The following TNFRSF11A variants were observed in gnomAD, a reference collection of about 807,000 sequenced individuals.
TNFRSF11A encodes the protein TNF receptor superfamily member 11a.
A neutral mutation model predicts 55.7 loss-of-function variants in TNFRSF11A; 32 were observed. That is an observed-to-expected ratio of 0.57 (90% confidence interval 0.43 to 0.77). The LOEUF (loss-of-function observed/expected upper bound fraction) is 0.77. Ranked by LOEUF, TNFRSF11A falls within the 30% of genes least tolerant of loss-of-function variation. The pLI is 0.00. For synonymous variants in TNFRSF11A, 311 were observed against 331.0 expected (o/e 0.94, Z 0.65); for missense variants, 753 against 809.8 (o/e 0.93, Z 0.85).
At chr18:62,329,218 G>A (rs1379872864) in intron 1 of TNFRSF11A, among the ~76,000 whole-genome samples, 1 of 152,154 alleles carries the variant, frequency 6.6e-6, no homozygotes, top group Non-Finnish European at 1.5e-5. Flanking sequence ...TTTTTTGGCT[G>A]ATGTGAGTCT....
intron 5 of TNFRSF11A, 90 bp downstream of exon 5, chr18:62,358,431 C>A: frequency 7.7e-7 from 1 of 1,294,416 alleles, no homozygotes; most frequent in Non-Finnish European, 1.1e-6. Flanking sequence ...CGGACGGATT[C>A]TGTTGGGTTA....
chr18:62,354,686 A>T, intron 4 of TNFRSF11A, 152 bp downstream of exon 4: 2 of 1,172,608 alleles, frequency 1.7e-6, no homozygotes, highest in South Asian at 1.5e-5. Flanking sequence ...CTGATTTTCC[A>T]CGAGATACAG....
At position 62,369,132 on chromosome 18, in the gene TNFRSF11A, T is replaced by A. The variant is rs1446750379; in HGVS notation, c.1215T>A (p.Thr405=). Reference sequence around the variant, plus strand: ...TGGGTTCAGAAAGCTGCAACTGCACTGAGCCCCTGTGCAGGACTGATTGGA... The same window carrying A: ...TGGGTTCAGAAAGCTGCAACTGCACAGAGCCCCTGTGCAGGACTGATTGGA... The part of the protein sequence containing the change: ...STVGSESCNC[T]EPLCRTDWTP... The change falls in exon 9 of 10, where the codon ACT becomes ACA. Residue 405 remains threonine, a synonymous_variant. Transcript: ENST00000586569. 2 of 1,613,996 alleles carry A rather than the reference T, an allele frequency of 1.2e-6. No individual in the cohort carries two copies. The highest frequency in any genetic ancestry group is 2.7e-5 in the African/African-American group (2 of 74,954).
At chr18:62,376,009 CTG>C (rs1910868046) in intron 9 of TNFRSF11A, among the ~76,000 whole-genome samples, 1 of 152,148 alleles carries the variant, frequency 6.6e-6, no homozygotes, top group African/African-American at 2.4e-5. Flanking sequence ...CATTTATTTA[CTG>C]TGTCTTGGAG....
chr18:62,384,537 T>A lies in TNFRSF11A; in HGVS notation c.1568-214T>A, dbSNP rs539224393. Among the ~76,000 whole-genome samples, 12 of 148,864 alleles carry A rather than the reference T, an allele frequency of 8.1e-5. No homozygotes were observed. In the East Asian group the frequency reaches 2.4e-3, roughly 30 times the overall value. ...TCTTCCTCTCCCCGCCTCTTCTCTTTACTTCTTTTGTCTTTTTTCTCTTCC... is the reference window on the plus strand; with the variant it reads ...TCTTCCTCTCCCCGCCTCTTCTCTTAACTTCTTTTGTCTTTTTTCTCTTCC... On this transcript the variant is annotated intron_variant, in intron 9 of 9. Coordinates refer to ENST00000586569, the MANE Select transcript of TNFRSF11A (RefSeq NM_003839.4).
intron 9 of TNFRSF11A, among the ~76,000 whole-genome samples, chr18:62,376,046 G>C (rs1406512113): frequency 6.6e-6 from 1 of 152,112 alleles, no homozygotes; most frequent in East Asian, 1.9e-4. Flanking sequence ...CACAGAATAG[G>C]GACAAGCACA....
intron 1 of TNFRSF11A, among the ~76,000 whole-genome samples, chr18:62,335,325 C>T (rs1401648693): frequency 2.6e-5 from 4 of 152,014 alleles, no homozygotes; most frequent in Non-Finnish European, 4.4e-5. Context: ...TGGCCAGTTT[C>T]GAACTCCTCA....
chr18:62,347,963 G>A (rs920044261), intron 1 of TNFRSF11A, among the ~76,000 whole-genome samples: 2 of 149,950 alleles, frequency 1.3e-5, no homozygotes, highest in Non-Finnish European at 3.0e-5. Context: ...GGAGGCTAAA[G>A]TAGGAGAATC....
chr18:62,358,929 A>G (rs1043593179), intron 5 of TNFRSF11A, among the ~76,000 whole-genome samples: 1 of 152,236 alleles, frequency 6.6e-6, no homozygotes, highest in African/African-American at 2.4e-5. Flanking sequence ...AGTCTTTTAC[A>G]GTAATACATA....
In TNFRSF11A at chr18:62,369,411, T is replaced by G; in HGVS notation, c.1494T>G (p.Asp498Glu). Residue 498 changes from aspartate (D) to glutamate (E), a missense_variant, in exon 9 of 10, where the codon GAT (aspartate) becomes GAG (glutamate). Transcript: ENST00000586569. ...EARDQPEDGA[D>E]GRLPSSARAG... Reference sequence around the variant, plus strand: ...GAGACCAGCCCGAGGATGGGGCTGATGGGAGGCTCCCAAGCTCAGCGAGGG... The same window carrying G: ...GAGACCAGCCCGAGGATGGGGCTGAGGGGAGGCTCCCAAGCTCAGCGAGGG... 6.2e-7 allele frequency: 1 copy of G among 1,611,718 alleles called. No homozygotes were observed. Among genetic ancestry groups the G allele is most frequent in the Non-Finnish European group, 8.5e-7 (1 of 1,180,004 alleles).
chr18:62,334,000 G>A (rs2046193987), intron 1 of TNFRSF11A, among the ~76,000 whole-genome samples: 2 of 152,008 alleles, frequency 1.3e-5, no homozygotes, highest in Admixed American at 6.6e-5. Flanking sequence ...CGAGTAGCTG[G>A]GATTACAGGT....
chr18:62,371,666 G>C (rs1264763159), intron 9 of TNFRSF11A, among the ~76,000 whole-genome samples: 1 of 152,168 alleles, frequency 6.6e-6, no homozygotes. Context: ...CGCCTGAGGA[G>C]AGGCAGCAGC....
intron 1 of TNFRSF11A, among the ~76,000 whole-genome samples, chr18:62,335,623 T>C (rs1421263286): frequency 6.6e-6 from 1 of 152,228 alleles, no homozygotes; most frequent in East Asian, 1.9e-4. Context: ...GAAACAGCTG[T>C]GTCTCCTGTT....
At chr18:62,362,217 G>A (rs192276846) in intron 7 of TNFRSF11A, among the ~76,000 whole-genome samples, 4 of 152,266 alleles carry the variant, frequency 2.6e-5, no homozygotes, top group Non-Finnish European at 5.9e-5. Context: ...TTCGGTGGGT[G>A]TGGTGGCTCA....
At chr18:62,363,878 G>A (rs970272474) in intron 7 of TNFRSF11A, among the ~76,000 whole-genome samples, 2 of 152,148 alleles carry the variant, frequency 1.3e-5, no homozygotes, top group African/African-American at 4.8e-5. Context: ...CTGCCATATG[G>A]GCCTACCATT....
intron 9 of TNFRSF11A, among the ~76,000 whole-genome samples, chr18:62,370,835 CTTT>C (rs10539841): frequency 2.1e-5 from 3 of 142,798 alleles, no homozygotes; most frequent in African/African-American, 5.2e-5. Flanking sequence ...CTTTTCTTTT[CTTT>C]TTTTTTTTTG....
intron 4 of TNFRSF11A, among the ~76,000 whole-genome samples, chr18:62,355,807 G>A (rs1476813435): frequency 6.6e-6 from 1 of 152,166 alleles, no homozygotes; most frequent in East Asian, 1.9e-4. Context: ...AAATGCAACA[G>A]CATTCAACAT....
chr18:62,352,877 A>G (rs1260915510), intron 3 of TNFRSF11A, among the ~76,000 whole-genome samples: 2 of 152,168 alleles, frequency 1.3e-5, no homozygotes, highest in Non-Finnish European at 2.9e-5. Flanking sequence ...TTGAGACCAT[A>G]AGAGACAGCG....
intron 3 of TNFRSF11A, among the ~76,000 whole-genome samples, chr18:62,351,811 G>A (rs1223347538): frequency 6.6e-6 from 1 of 152,126 alleles, no homozygotes; most frequent in Admixed American, 6.6e-5. Flanking sequence ...TTGTTTGTTT[G>A]TTTGTTTTTG....
Sources: allele counts gnomAD v4.1 joint callset (sites outside exome capture counted in the v4.1 genomes callset), GRCh38; gene constraint gnomAD v4.1.1; transcripts MANE v1.5; gene names NCBI Gene and HGNC (gene_info 2026-07-23, HGNC 2026-07-21).